RNGTT: variants seen among roughly 807,000 people sequenced by gnomAD.
RNGTT encodes mRNA-capping enzyme.
In RNGTT, 33 loss-of-function variants were observed where a neutral mutation model predicts 79.3. That is an observed-to-expected ratio of 0.42 (90% CI 0.32 to 0.56). The LOEUF (loss-of-function observed/expected upper bound fraction) is 0.56. Among genes scored for constraint, RNGTT ranks in the 20% least tolerant of loss-of-function variants. The probability of loss-of-function intolerance (pLI) is 0.17; values close to 1 mark genes in which losing one functional copy is unlikely to be tolerated. For synonymous variants in RNGTT, 222 were observed against 235.9 expected, an observed-to-expected ratio of 0.94 and a Z score of 0.54; for missense variants, 497 against 739.1, an observed-to-expected ratio of 0.67 and a Z score of 3.80.
At chr6:88,941,036 TTAAATCAGTGA>T in intron 2 of RNGTT, 24 bp downstream of exon 2, 1 of 1,294,208 alleles carries the variant, frequency 7.7e-7, no homozygotes, top group Non-Finnish European at 1.1e-6. Flanking sequence ...ACAAAGTATA[TTAAATCAGTGA>T]CAAAAATAAA....
chr6:88,924,566 T>C (rs1368334473), intron 4 of RNGTT, among the ~76,000 whole-genome samples: 3 of 152,170 alleles, frequency 2.0e-5, no homozygotes, highest in Non-Finnish European at 2.9e-5. Context: ...GCTCAAGCAA[T>C]CCTTCTGCCT....
intron 14 of RNGTT, among the ~76,000 whole-genome samples, chr6:88,619,733 A>C (rs774461052): frequency 1.1e-4 from 17 of 152,352 alleles, no homozygotes; most frequent in South Asian, 4.1e-4. Flanking sequence ...ATCTACTTCT[A>C]TAGTGTGACA....
chr6:88,661,242 A>G (rs1774171310), intron 14 of RNGTT, among the ~76,000 whole-genome samples: 1 of 152,060 alleles, frequency 6.6e-6, no homozygotes, highest in Admixed American at 6.6e-5. Context: ...GACAATCTAA[A>G]CTCGCACCCC....
At chr6:88,739,747 A>G (rs1160914137) in intron 13 of RNGTT, among the ~76,000 whole-genome samples, 1 of 45,854 alleles carries the variant, frequency 2.2e-5, no homozygotes, top group Admixed American at 2.3e-4. Context: ...ATATATATAT[A>G]TATATATATA....
intron 11 of RNGTT, among the ~76,000 whole-genome samples, chr6:88,839,503 A>C (rs1455683289): frequency 6.6e-6 from 1 of 152,106 alleles, no homozygotes; most frequent in East Asian, 1.9e-4. Context: ...CTGGGAGGTC[A>C]AGGATGCAGG....
chr6:88,839,351 G>A (rs1209059308), intron 11 of RNGTT, among the ~76,000 whole-genome samples: 4 of 152,012 alleles, frequency 2.6e-5, no homozygotes, highest in African/African-American at 7.2e-5. Flanking sequence ...CAGGCAGATC[G>A]TTTGAGCCCA....
At chr6:88,927,249 A>C (rs184104107) in intron 4 of RNGTT, among the ~76,000 whole-genome samples, 3 of 152,226 alleles carry the variant, frequency 2.0e-5, no homozygotes, top group Non-Finnish European at 4.4e-5. Flanking sequence ...TTGGGCAGGC[A>C]TGGTGGTTCA....
rs16880984 is a variant in RNGTT, at chr6:88,641,394, G to C, written c.1507-26999C>G. 1.8e-3 allele frequency among the ~76,000 whole-genome samples: 275 copies of C among 151,468 alleles called. 1 individual carries two copies. The highest frequency in any genetic ancestry group is 6.9e-3 in the Middle Eastern group (2 of 290). ...TGAAGCTGAAATATACTGTAAGCAT[G>C]ATTATATACCATAAACACTCAGGTA... is the stretch of plus-strand genomic sequence containing the variant. On this transcript the variant is annotated intron_variant, in intron 14 of 15. Transcript: ENST00000369485.
At chr6:88,880,422 A>T (rs1782659869) in intron 8 of RNGTT, among the ~76,000 whole-genome samples, 1 of 152,218 alleles carries the variant, frequency 6.6e-6, no homozygotes, top group Non-Finnish European at 1.5e-5. Flanking sequence ...TTCCTTATAA[A>T]GCAAGTCCCA....
At chr6:88,906,938 T>C (rs1027335022) in intron 4 of RNGTT, among the ~76,000 whole-genome samples, 1 of 152,144 alleles carries the variant, frequency 6.6e-6, no homozygotes, top group Non-Finnish European at 1.5e-5. Flanking sequence ...AATAGAAATA[T>C]AAATTCATAT....
At chr6:88,793,134 A>G (rs1276756557) in intron 12 of RNGTT, among the ~76,000 whole-genome samples, 2 of 152,228 alleles carry the variant, frequency 1.3e-5, no homozygotes, top group Non-Finnish European at 2.9e-5. Context: ...TATTAGTGAT[A>G]AAAACTAAGA....
In RNGTT at chr6:88,685,227, A is replaced by G. The variant is rs1437051716; in HGVS notation, c.1440-6808T>C. 3.3e-5 allele frequency among the ~76,000 whole-genome samples: 5 copies of G among 152,166 alleles called. No individual in the cohort carries two copies. The South Asian group carries it at 6.2e-4, about 19-fold the overall frequency. ...CTGTAATGGTTGATATCATCTGTAC[A>G]TCATGAATCTGTCTAAATCCATAGC... On this transcript the variant is annotated intron_variant, in intron 13 of 15. Transcript: ENST00000369485.
intron 11 of RNGTT, among the ~76,000 whole-genome samples, chr6:88,836,480 G>C (rs913129140): frequency 6.6e-6 from 1 of 152,064 alleles, no homozygotes; most frequent in African/African-American, 2.4e-5. Flanking sequence ...GGTGGCTCAC[G>C]CTTGTAATCC....
chr6:88,948,787 GGATCCTGTT>G (rs1341251673), intron 1 of RNGTT, among the ~76,000 whole-genome samples: 1 of 99,192 alleles, frequency 1.0e-5, no homozygotes, highest in Non-Finnish European at 2.1e-5. Context: ...CTCTGCCTTG[GGATCCTGTT>G]GATCTGTGAC....
At chr6:88,731,465 G>A (rs1049716505) in intron 13 of RNGTT, among the ~76,000 whole-genome samples, 13 of 152,178 alleles carry the variant, frequency 8.5e-5, no homozygotes, top group Middle Eastern at 3.2e-3. Context: ...ATGAGATAGT[G>A]ATTTTAAAGT....
intron 2 of RNGTT, among the ~76,000 whole-genome samples, chr6:88,929,745 C>T (rs1025613436): frequency 2.5e-4 from 38 of 151,786 alleles, no homozygotes; most frequent in African/African-American, 9.2e-4. Context: ...ATTGACTACA[C>T]CATTTTATAT....
intron 14 of RNGTT, among the ~76,000 whole-genome samples, chr6:88,642,850 T>C (rs1428719023): frequency 1.3e-5 from 2 of 152,240 alleles, no homozygotes; most frequent in Non-Finnish European, 1.5e-5. Context: ...ATAAAAATAC[T>C]TTTTCTTCTA....
rs539566061 is a variant in RNGTT at position 88,958,321 on chromosome 6, G to A, written c.64+5025C>T. On this transcript the variant is annotated intron_variant, in intron 1 of 15. Coordinates refer to ENST00000369485, the MANE Select transcript of RNGTT (RefSeq NM_003800.5). The stretch of plus-strand genomic sequence containing the variant: ...CTAGACATTGACTTAGGCAGAGTTC[G>A]TGACCAAGAACCCAAAAGCAAATGC... Among the ~76,000 whole-genome samples, 45 of 152,164 alleles carry A rather than the reference G, an allele frequency of 3.0e-4. No individual in the cohort carries two copies. In the South Asian group the frequency reaches 5.6e-3, roughly 19 times the overall value.
intron 8 of RNGTT, among the ~76,000 whole-genome samples, chr6:88,882,902 A>G (rs1782735003): frequency 6.6e-6 from 1 of 152,212 alleles, no homozygotes; most frequent in African/African-American, 2.4e-5. Context: ...CTCCAGAACT[A>G]TGAAAAATAA....
Sources: allele counts gnomAD v4.1 joint callset (sites outside exome capture counted in the v4.1 genomes callset), GRCh38; gene constraint gnomAD v4.1.1; transcripts MANE v1.5; gene names NCBI Gene and HGNC (gene_info 2026-07-23, HGNC 2026-07-21).